HTR3B: variants seen among roughly 807,000 people sequenced by gnomAD.
HTR3B encodes the protein 5-hydroxytryptamine (serotonin) receptor 3B, ionotropic.
In HTR3B, 44 loss-of-function variants were observed where a neutral mutation model predicts 42.8. That is an observed-to-expected ratio of 1.03 (90% CI 0.81 to 1.32). The LOEUF (loss-of-function observed/expected upper bound fraction) is 1.32. Among genes scored for constraint, HTR3B ranks in the 40% most tolerant of loss-of-function variants. The pLI is 0.00. For missense variants in HTR3B, 527 were observed against 536.5 expected, an observed-to-expected ratio of 0.98 and a Z score of 0.17; for synonymous variants, 203 against 209.0, an observed-to-expected ratio of 0.97 and a Z score of 0.25.
intron 6 of HTR3B, among the ~76,000 whole-genome samples, chr11:113,935,221 C>T (rs1186648797): frequency 6.6e-6 from 1 of 152,068 alleles, no homozygotes; most frequent in African/African-American, 2.4e-5. Flanking sequence ...GGAGGGGAGG[C>T]TTCCCTGGAT....
intron 2 of HTR3B, among the ~76,000 whole-genome samples, chr11:113,914,056 T>A (rs1371922655): frequency 3.9e-5 from 6 of 152,076 alleles, no homozygotes; most frequent in African/African-American, 1.2e-4. Flanking sequence ...TTTTTTTTTT[T>A]TATAAATTAC....
At chr11:113,911,957 T>C (rs985935927) in intron 2 of HTR3B, among the ~76,000 whole-genome samples, 19 of 152,206 alleles carry the variant, frequency 1.2e-4, no homozygotes, top group African/African-American at 4.6e-4. Context: ...GAGCAGTGAT[T>C]AGTTTTACTG....
chr11:113,902,913 G>A (rs1169205808), upstream of HTR3B, among the ~76,000 whole-genome samples: 2 of 152,026 alleles, frequency 1.3e-5, no homozygotes, highest in Non-Finnish European at 2.9e-5. Flanking sequence ...CTATTGCCCA[G>A]GCTGGAGTGC....
chr11:113,925,873 A>G (rs566451359), intron 2 of HTR3B, among the ~76,000 whole-genome samples: 16 of 152,262 alleles, frequency 1.1e-4, no homozygotes, highest in African/African-American at 3.6e-4. Context: ...GGTTTTTTTG[A>G]GATTTAATTC....
intron 6 of HTR3B, among the ~76,000 whole-genome samples, chr11:113,936,628 G>A (rs1310468693): frequency 6.6e-6 from 1 of 152,162 alleles, no homozygotes; most frequent in African/African-American, 2.4e-5. Flanking sequence ...GGGAATCACA[G>A]ACTGACTTTC....
chr11:113,902,496 C>T (rs1454104159), upstream of HTR3B, among the ~76,000 whole-genome samples: 1 of 152,026 alleles, frequency 6.6e-6, no homozygotes, highest in African/African-American at 2.4e-5. Context: ...AGGGTTTCAC[C>T]ATGTTGGCCA....
Position 113,944,746 on chromosome 11 carries a change from G to A in HTR3B, c.1081G>A (p.Val361Met), listed in dbSNP as rs780065554. Residue 361 changes from valine to methionine, a missense_variant, in exon 8 of 9, where the codon GTG becomes ATG. Val to Met is a conservative substitution (Grantham distance 21). Transcript: ENST00000260191. ...AGTGGAACCCAGGGCCCAACGTGCTGTGGTAACAGGTGTGTGAGAAGCCTT... is the reference window on the plus strand; with the variant it reads ...AGTGGAACCCAGGGCCCAACGTGCTATGGTAACAGGTGTGTGAGAAGCCTT... ...PRVEPRAQRA[V>M]VTESSLYGEH... 4.0e-5 allele frequency: 65 copies of A among 1,613,554 alleles called. No homozygotes were observed. The Admixed American group carries it at 1.1e-3, about 27-fold the overall frequency.
chr11:113,930,692 G>A (rs556930298), intron 2 of HTR3B, among the ~76,000 whole-genome samples: 50 of 152,012 alleles, frequency 3.3e-4, no homozygotes, highest in Admixed American at 1.0e-3. Context: ...ATCTCACTGT[G>A]TTGCCCAGGC....
intron 2 of HTR3B, among the ~76,000 whole-genome samples, chr11:113,920,380 T>C (rs1044961710): frequency 7.3e-6 from 1 of 136,248 alleles, no homozygotes; most frequent in Non-Finnish European, 1.6e-5. Context: ...TTTTTGTTTG[T>C]TTGTTTGTTT....
intron 2 of HTR3B, among the ~76,000 whole-genome samples, chr11:113,916,280 T>C (rs975968868): frequency 2.6e-5 from 4 of 152,366 alleles, no homozygotes; most frequent in Middle Eastern, 3.4e-3. Flanking sequence ...TCTTCTTTGG[T>C]AATATGTCTG....
intron 6 of HTR3B, among the ~76,000 whole-genome samples, chr11:113,935,071 C>G (rs1232020497): frequency 6.6e-6 from 1 of 152,244 alleles, no homozygotes; most frequent in Non-Finnish European, 1.5e-5. Context: ...CACTCTCTCT[C>G]TCTCCATAGA....
At chr11:113,943,236 C>G (rs751495142) in intron 7 of HTR3B, 44 bp downstream of exon 7, 2 of 1,476,058 alleles carry the variant, frequency 1.4e-6, no homozygotes, top group Non-Finnish European at 9.4e-7. Context: ...TACATGACCC[C>G]TGTGAAAGAT....
chr11:113,936,688 G>C (rs183122378), intron 6 of HTR3B, among the ~76,000 whole-genome samples: 1 of 152,304 alleles, frequency 6.6e-6, no homozygotes, highest in Admixed American at 6.5e-5. Context: ...TCTGACTCCG[G>C]TGCTTAAATG....
In HTR3B at chr11:113,946,043, G is replaced by T. The variant is rs200815025; in HGVS notation, c.1232G>T (p.Arg411Leu). 6.2e-7 allele frequency: 1 copy of T among 1,613,954 alleles called. No individual in the cohort carries two copies. ...QEAEWLVLLS[R>L]FDRLLFQSYL... ...GCAGAGTGGCTGGTCCTCCTGTCCC[G>T]CTTTGACCGACTGCTCTTCCAAAGC... The change falls in exon 9 of 9, where the codon CGC becomes CTC. Residue 411 changes from arginine to leucine, a missense_variant. Physicochemically the swap from Arg to Leu is moderately radical, Grantham distance 102 (BLOSUM62 -2). Transcript: ENST00000260191.
rs778253585 is a variant in HTR3B at position 113,945,969 on chromosome 11, A to G, written c.1158A>G (p.Gln386=). The G allele has an allele frequency of 1.2e-5, 19 of 1,614,130 alleles. No homozygotes were observed. The South Asian group carries it at 1.4e-4, about 12-fold the overall frequency. ...GTLKEVWSQL[Q]SISNYLQTQD... ...TGAAGGAAGTCTGGTCGCAGCTTCAATCTATCAGCAACTACCTCCAAACTC... is the reference window on the plus strand; with the variant it reads ...TGAAGGAAGTCTGGTCGCAGCTTCAGTCTATCAGCAACTACCTCCAAACTC... The change falls in exon 9 of 9, where the codon CAA becomes CAG. Residue 386 remains glutamine (Q), a synonymous_variant. Transcript: ENST00000260191.
intron 5 of HTR3B, 55 bp downstream of exon 5, chr11:113,932,513 T>C: frequency 1.5e-6 from 2 of 1,310,620 alleles, no homozygotes; most frequent in Non-Finnish European, 2.2e-6. Context: ...GGTGAAATGA[T>C]ATTATACTAT....
chr11:113,921,574 G>T (rs907995711), intron 2 of HTR3B, among the ~76,000 whole-genome samples: 4 of 149,812 alleles, frequency 2.7e-5, no homozygotes, highest in African/African-American at 9.9e-5. Flanking sequence ...AGCTGAGATC[G>T]CTCCACTGCA....
At chr11:113,908,951 T>C (rs1949755841) in intron 1 of HTR3B, 1 of 353,920 alleles carries the variant, frequency 2.8e-6, no homozygotes, top group Non-Finnish European at 5.0e-6. Context: ...TGTAGGTGGG[T>C]TTTTTCTAGA....
chr11:113,931,408 A>T lies in HTR3B; in HGVS notation c.238A>T (p.Thr80Ser), dbSNP rs779502966. The T allele has an allele frequency of 2.5e-6, 4 of 1,601,304 alleles. No individual in the cohort carries two copies. The highest frequency in any genetic ancestry group is 2.6e-6 in the Non-Finnish European group (3 of 1,172,506). The change falls in exon 3 of 9, where the codon ACA becomes TCA. Residue 80 changes from threonine to serine, a missense_variant. Transcript: ENST00000260191. ...DVDAENQILK[T>S]SVWYQEVWND... ...GGATGCAGAGAATCAAATATTAAAG[A>T]CAAGTGTATGGTACCAAGAGGTAAA...
Sources: allele counts gnomAD v4.1 joint callset (sites outside exome capture counted in the v4.1 genomes callset), GRCh38; gene constraint gnomAD v4.1.1; transcripts MANE v1.5; gene names NCBI Gene and HGNC (gene_info 2026-07-23, HGNC 2026-07-21).